DOCK2: variants seen among roughly 807,000 people sequenced by gnomAD.
DOCK2 encodes dedicator of cytokinesis protein 2.
A neutral mutation model predicts 248.9 loss-of-function variants in DOCK2; 87 were observed. That is an observed-to-expected ratio of 0.35 (90% CI 0.29 to 0.42). The LOEUF (loss-of-function observed/expected upper bound fraction) is 0.42. Ranked by LOEUF, DOCK2 falls within the 10% of genes least tolerant of loss-of-function variation. The pLI is 1.00. For synonymous variants in DOCK2, 805 were observed against 821.6 expected, an observed-to-expected ratio of 0.98 and a Z score of 0.35; for missense variants, 1,747 against 2,300.2, an observed-to-expected ratio of 0.76 and a Z score of 4.92.
chr5:169,765,241 T>C (rs1037137288), intron 25 of DOCK2, among the ~76,000 whole-genome samples: 1 of 152,228 alleles, frequency 6.6e-6, no homozygotes, highest in Non-Finnish European at 1.5e-5. Context: ...AGTCACAGAA[T>C]GGGTCCCCTT....
chr5:169,826,500 T>C (rs1768869142), intron 26 of DOCK2, among the ~76,000 whole-genome samples: 1 of 152,084 alleles, frequency 6.6e-6, no homozygotes, highest in Admixed American at 6.5e-5. Flanking sequence ...GACTGAATTC[T>C]CTGAAGAAGA....
chr5:169,778,852 C>A (rs947967415), intron 25 of DOCK2, among the ~76,000 whole-genome samples: 2 of 152,184 alleles, frequency 1.3e-5, no homozygotes, highest in African/African-American at 4.8e-5. Context: ...ATGTCTCTGT[C>A]AGTCTACTGA....
chr5:169,665,958 A>G (rs577349183), intron 2 of DOCK2, among the ~76,000 whole-genome samples: 1 of 152,288 alleles, frequency 6.6e-6, no homozygotes, highest in East Asian at 1.9e-4. Flanking sequence ...GGCACTTTAT[A>G]ATTTTCCAAA....
chr5:169,828,609 G>A (rs944559819), intron 26 of DOCK2, among the ~76,000 whole-genome samples: 1 of 152,140 alleles, frequency 6.6e-6, no homozygotes, highest in African/African-American at 2.4e-5. Flanking sequence ...GTAGGAAGGA[G>A]GATAGAACGT....
chr5:169,793,308 C>T (rs964811527), intron 25 of DOCK2, among the ~76,000 whole-genome samples: 3 of 152,306 alleles, frequency 2.0e-5, no homozygotes, highest in South Asian at 2.1e-4. Flanking sequence ...TGTACTTGCA[C>T]CCTTGTCTCT....
chr5:169,768,319 T>C (rs1764906591), intron 25 of DOCK2, among the ~76,000 whole-genome samples: 2 of 152,248 alleles, frequency 1.3e-5, no homozygotes, highest in Non-Finnish European at 2.9e-5. Context: ...AGGTAGTAAG[T>C]GCTGGAGCTG....
chr5:169,882,935 G>A (rs1378819746), intron 27 of DOCK2: 5 of 1,551,936 alleles, frequency 3.2e-6, no homozygotes, highest in Non-Finnish European at 3.5e-6. Context: ...CTTCCTGGGT[G>A]GGCTGGCTGG....
At chr5:169,752,039 T>G (rs1406978522) in intron 23 of DOCK2, among the ~76,000 whole-genome samples, 1 of 152,168 alleles carries the variant, frequency 6.6e-6, no homozygotes, top group Non-Finnish European at 1.5e-5. Context: ...TTCCCATGTG[T>G]TTTCAACAAT....
chr5:169,952,266 G>A lies in DOCK2; in HGVS notation c.2800-30802G>A, dbSNP rs370977495. 1.8e-3 allele frequency among the ~76,000 whole-genome samples: 277 copies of A among 152,174 alleles called. 6 individuals carry two copies. In the South Asian group the frequency reaches 0.048, roughly 26 times the overall value. ...GACCTGTTTTTTATTCTATCAACTCGTCCGTATAACAATTTATTGAGAACT... is the reference window on the plus strand; with the variant it reads ...GACCTGTTTTTTATTCTATCAACTCATCCGTATAACAATTTATTGAGAACT... On this transcript the variant is annotated intron_variant, in intron 27 of 51. Coordinates refer to ENST00000520908, the MANE Select transcript of DOCK2 (RefSeq NM_004946.3).
At chr5:169,662,923 C>T (rs377061657) in intron 2 of DOCK2, among the ~76,000 whole-genome samples, 10 of 152,274 alleles carry the variant, frequency 6.6e-5, no homozygotes, top group African/African-American at 2.4e-4. Context: ...AACAGTCCCC[C>T]AAAGTCTTAA....
chr5:170,066,698 T>G (rs1286702733), intron 44 of DOCK2, among the ~76,000 whole-genome samples: 1 of 152,224 alleles, frequency 6.6e-6, no homozygotes, highest in Non-Finnish European at 1.5e-5. Context: ...TGTTTCTGTT[T>G]AGTTCATGGG....
intron 25 of DOCK2, among the ~76,000 whole-genome samples, chr5:169,775,313 G>T (rs2113783310): frequency 6.6e-6 from 1 of 152,356 alleles, no homozygotes; most frequent in South Asian, 2.1e-4. Flanking sequence ...TGGGAGGAGA[G>T]ACTATAGGGA....
intron 38 of DOCK2, among the ~76,000 whole-genome samples, chr5:170,045,528 G>T (rs1013835349): frequency 6.6e-6 from 1 of 152,174 alleles, no homozygotes; most frequent in Non-Finnish European, 1.5e-5. Context: ...CAATGAAGAT[G>T]CTGTCAGTTA....
Position 170,034,394 on chromosome 5 carries a change from C to T in DOCK2, c.3468-5C>T, listed in dbSNP as rs371584556. On this transcript the variant is annotated splice_polypyrimidine_tract_variant and splice_region_variant and intron_variant, in intron 34 of 51. Transcript: ENST00000520908. ...GAGCTCACTGCCCTCTGGTCTCTGC[C>T]GCAGCCTGATGGAATGTGCTGCAGA... The T allele has an allele frequency of 3.3e-4, 528 of 1,613,894 alleles. No homozygotes were observed. Among genetic ancestry groups the T allele is most frequent in the Non-Finnish European group, 4.2e-4 (499 of 1,179,966 alleles).
intron 22 of DOCK2, among the ~76,000 whole-genome samples, chr5:169,727,687 A>G (rs1160200812): frequency 6.6e-6 from 1 of 152,260 alleles, no homozygotes; most frequent in East Asian, 1.9e-4. Context: ...TTTATCTCAC[A>G]TGAAGACATT....
At chr5:170,026,066 G>T (rs1755904677) in intron 33 of DOCK2, among the ~76,000 whole-genome samples, 1 of 151,944 alleles carries the variant, frequency 6.6e-6, no homozygotes, top group Non-Finnish European at 1.5e-5. Context: ...CAACTCACCG[G>T]AAATTCTTTG....
At chr5:170,036,766 C>T (rs1487587611) in intron 36 of DOCK2, among the ~76,000 whole-genome samples, 1 of 152,214 alleles carries the variant, frequency 6.6e-6, no homozygotes, top group Non-Finnish European at 1.5e-5. Context: ...ATCGTCTGGC[C>T]TTCCATGCTG....
chr5:169,855,993 GGA>G (rs909879973), intron 27 of DOCK2, among the ~76,000 whole-genome samples: 1 of 152,142 alleles, frequency 6.6e-6, no homozygotes, highest in African/African-American at 2.4e-5. Flanking sequence ...CATGGCAGCA[GGA>G]GAGAGAGAGC....
intron 9 of DOCK2, chr5:169,695,417 G>C (rs953636314): frequency 1.1e-5 from 2 of 178,606 alleles, no homozygotes; most frequent in African/African-American, 4.8e-5. Context: ...CAGAGGTTCT[G>C]AGCAATGATG....
Sources: allele counts gnomAD v4.1 joint callset (sites outside exome capture counted in the v4.1 genomes callset), GRCh38; gene constraint gnomAD v4.1.1; transcripts MANE v1.5; gene names NCBI Gene and HGNC (gene_info 2026-07-23, HGNC 2026-07-21).